The following FGF13 variants were observed in gnomAD, a reference collection of about 807,000 sequenced individuals.
FGF13 encodes the protein fibroblast growth factor homologous factor 2.
A neutral mutation model predicts 19.5 loss-of-function variants in FGF13; 2 were observed. That is an observed-to-expected ratio of 0.10 (90% CI 0.04 to 0.32). The LOEUF is 0.32. FGF13 is among the 10% of genes least tolerant of loss of function. The pLI is 1.00. For synonymous variants in FGF13, 72 were observed against 76.9 expected (o/e 0.94, Z 0.33); for missense variants, 113 against 192.7 (o/e 0.59, Z 2.45).
At chrX:139,094,358 G>A (rs1414328240) in intron 1 of FGF13, among the ~76,000 whole-genome samples, 1 of 112,061 alleles carries the variant, frequency 8.9e-6, no homozygotes, top group Non-Finnish European at 1.9e-5. Context: ...AAACCTACAT[G>A]AATTAGAAAC....
intron 3 of FGF13, among the ~76,000 whole-genome samples, chrX:138,762,561 C>G (rs1189636174): frequency 9.0e-6 from 1 of 111,247 alleles, no homozygotes; most frequent in Non-Finnish European, 1.9e-5. Flanking sequence ...GGCTTCAATT[C>G]TGTCTTATGA....
chrX:138,620,459 T>C lies in FGF13; in HGVS notation c.*12391A>G, dbSNP rs1374227253. 2.7e-5 allele frequency: 3 copies of C among 109,938 alleles called. No homozygotes were observed. In the Admixed American group the frequency reaches 2.9e-4, roughly 11 times the overall value. 9.1% of individuals were successfully genotyped at this position (109,938 alleles called of 1,213,427 possible). The stretch of plus-strand genomic sequence containing the variant: ...AACAAACCTGCATATCCTGCACATG[T>C]ACCCTGGAACTTAAAATAAAAATAA... On this transcript the variant is annotated 3_prime_UTR_variant, in exon 5 of 5. Transcript: ENST00000315930.
At chrX:138,779,062 C>T (rs965336068) in intron 3 of FGF13, among the ~76,000 whole-genome samples, 3 of 112,202 alleles carry the variant, frequency 2.7e-5, no homozygotes, top group African/African-American at 9.7e-5. Context: ...CACACTGACA[C>T]CTCACACTGC....
chrX:139,186,352 C>A lies in FGF13; in HGVS notation c.-113+17064G>T, dbSNP rs181138289. ...TTAAGTAAATGAGATATCATTGTACCACTCATGTTATTATTTGCACAAAAC... is the reference window on the plus strand; with the variant it reads ...TTAAGTAAATGAGATATCATTGTACAACTCATGTTATTATTTGCACAAAAC... On this transcript the variant is annotated intron_variant, in intron 1 of 2. Transcript: ENST00000421460. Among the ~76,000 whole-genome samples, 4 of 111,524 alleles carry A rather than the reference C, an allele frequency of 3.6e-5. No individual in the cohort carries two copies. In the Admixed American group the frequency reaches 3.8e-4, roughly 11 times the overall value.
chrX:138,930,546 G>C (rs2091696696), intron 1 of FGF13, among the ~76,000 whole-genome samples: 1 of 111,844 alleles, frequency 8.9e-6, no homozygotes, highest in African/African-American at 3.2e-5. Context: ...GAACAGATCT[G>C]AAAGTCTTTT....
chrX:138,913,636 TGGAGGAAGGAAGGAAGGAAGGAAG>T (rs2091601044), intron 1 of FGF13, among the ~76,000 whole-genome samples: 4 of 29,356 alleles, frequency 1.4e-4, no homozygotes, highest in Non-Finnish European at 2.7e-4. Context: ...GAAGGAGGGA[TGGAGGAAGGAAGGAAGGAAGGAAG>T]GAAGGAAGGA....
chrX:139,028,622 A>T (rs1385681293), intron 1 of FGF13, among the ~76,000 whole-genome samples: 2,744 of 23,749 alleles, frequency 0.12, 122 homozygotes, highest in African/African-American at 0.22. Flanking sequence ...TGTGTGAGAG[A>T]GAGAGAGAGA....
In FGF13 at chrX:138,946,478, A is replaced by C. The variant is rs767879991; in HGVS notation, c.-112-81828T>G. ...GTACTGGACTTACAAAGAATAATTTAGCAAGGGAGTTGTTGGTGATCAAAG... is the reference window on the plus strand; with the variant it reads ...GTACTGGACTTACAAAGAATAATTTCGCAAGGGAGTTGTTGGTGATCAAAG... On this transcript the variant is annotated intron_variant, in intron 1 of 2. Coordinates refer to the FGF13 transcript ENST00000421460. 2.3e-3 allele frequency among the ~76,000 whole-genome samples: 262 copies of C among 112,398 alleles called. 5 individuals are homozygous for C. In the Admixed American group the frequency reaches 0.025, roughly 11 times the overall value.
chrX:138,837,514 G>C (rs940866168), intron 3 of FGF13, among the ~76,000 whole-genome samples: 68 of 112,300 alleles, frequency 6.1e-4, no homozygotes, highest in African/African-American at 2.1e-3. Context: ...GTCAGCTTTG[G>C]CTCTGCAGAA....
intron 3 of FGF13, among the ~76,000 whole-genome samples, chrX:138,811,286 T>A (rs951318297): frequency 3.6e-5 from 4 of 111,262 alleles, no homozygotes; most frequent in Non-Finnish European, 7.5e-5. Flanking sequence ...TGAGTTCATG[T>A]CCTTTGTAGG....
intron 1 of FGF13, among the ~76,000 whole-genome samples, chrX:138,917,833 C>CGA (rs2091625044): frequency 9.0e-6 from 1 of 111,535 alleles, no homozygotes; most frequent in Non-Finnish European, 1.9e-5. Flanking sequence ...ATTAGGCTTT[C>CGA]AGGTCTCTAA....
At position 139,075,199 on chromosome X, in the gene FGF13, G is replaced by T. The variant is rs187136977; in HGVS notation, c.-113+128217C>A. ...GATTTGAACCCAGGGATTCATCCCC[G>T]CCCTATTCTCTCCCATTACCCAGAC... On this transcript the variant is annotated intron_variant, in intron 1 of 2. Coordinates refer to the FGF13 transcript ENST00000421460. Among the ~76,000 whole-genome samples, 571 of 111,514 alleles carry T rather than the reference G, an allele frequency of 5.1e-3. 2 individuals carry two copies. The highest frequency in any genetic ancestry group is 0.017 in the African/African-American group (537 of 30,696).
At chrX:138,852,325 C>T (rs766873094) in intron 3 of FGF13, among the ~76,000 whole-genome samples, 7 of 111,064 alleles carry the variant, frequency 6.3e-5, no homozygotes, top group African/African-American at 2.0e-4. Flanking sequence ...TATACTGTAA[C>T]GGTACAGCAT....
intron 3 of FGF13, among the ~76,000 whole-genome samples, chrX:138,687,244 C>CACCT (rs2089792166): frequency 9.0e-6 from 1 of 111,596 alleles, no homozygotes; most frequent in Non-Finnish European, 1.9e-5. Flanking sequence ...GCATACTGTC[C>CACCT]ACCTAACAAG....
intron 1 of FGF13, among the ~76,000 whole-genome samples, chrX:138,896,536 C>G (rs2091505146): frequency 9.0e-6 from 1 of 111,582 alleles, no homozygotes; most frequent in Non-Finnish European, 1.9e-5. Flanking sequence ...TCCTCTCTAA[C>G]CATTCAATGG....
chrX:139,074,208 A>G (rs1327892581), intron 1 of FGF13, among the ~76,000 whole-genome samples: 3 of 112,486 alleles, frequency 2.7e-5, no homozygotes, highest in African/African-American at 9.7e-5. Flanking sequence ...ACAAAAATGT[A>G]TAACTCATCC....
chrX:138,703,158 G>T, intron 2 of FGF13, 71 bp from the exon 3 acceptor site: 1 of 804,988 alleles, frequency 1.2e-6, no homozygotes, highest in Non-Finnish European at 1.9e-6. Context: ...GTTTCCAGCA[G>T]GACTGCCTGG....
intron 2 of FGF13, among the ~76,000 whole-genome samples, chrX:138,863,105 C>G (rs1010192544): frequency 9.0e-6 from 1 of 111,064 alleles, no homozygotes; most frequent in Non-Finnish European, 1.9e-5. Flanking sequence ...CTTCAGGGTT[C>G]CACTAAAATG....
chrX:138,745,098 T>G, intron 3 of FGF13, among the ~76,000 whole-genome samples: 1 of 112,194 alleles, frequency 8.9e-6, no homozygotes, highest in South Asian at 3.7e-4. Context: ...AAAAGCAGCA[T>G]AGTGCATGCT....
Sources: gnomAD v4.1 joint callset for allele counts (sites outside exome capture counted in the v4.1 genomes callset) on GRCh38, gnomAD v4.1.1 for gene constraint, MANE v1.5 for transcripts, NCBI Gene and HGNC (gene_info 2026-07-23, HGNC 2026-07-21) for gene names.